The following AUTS2 variants were observed in gnomAD, a reference collection of about 807,000 sequenced individuals.
AUTS2 encodes autism susceptibility gene 2 protein.
Under a neutral mutation model 112.4 loss-of-function variants are expected in AUTS2, and 17 were observed. That is an observed-to-expected ratio of 0.15 (90% CI 0.10 to 0.23). The LOEUF is 0.23. Among genes scored for constraint, AUTS2 ranks in the 10% least tolerant of loss-of-function variants. The probability of loss-of-function intolerance (pLI) is 1.00; values close to 1 mark genes in which losing one functional copy is unlikely to be tolerated. For synonymous variants in AUTS2, 751 were observed against 702.7 expected, an observed-to-expected ratio of 1.07 and a Z score of -1.09; for missense variants, 1,510 against 1,701.6, an observed-to-expected ratio of 0.89 and a Z score of 1.98.
Position 70,600,385 on chromosome 7 carries a change from C to G in AUTS2, c.691-98184C>G, listed in dbSNP as rs1368292342. Among the ~76,000 whole-genome samples, 3 of 152,238 alleles carry G rather than the reference C, an allele frequency of 2.0e-5. No homozygotes were observed. The East Asian group carries it at 5.8e-4, about 30-fold the overall frequency. On this transcript the variant is annotated intron_variant, in intron 5 of 18. Coordinates refer to ENST00000342771, the MANE Select transcript of AUTS2 (RefSeq NM_015570.4). The stretch of plus-strand genomic sequence containing the variant: ...CTTATCTCCTGGGTCAAGGGATTCT[C>G]TCGCCTCAGCCTCCCGAGTAGCTGG...
chr7:70,500,547 C>T (rs528579146), intron 5 of AUTS2, among the ~76,000 whole-genome samples: 3 of 152,210 alleles, frequency 2.0e-5, no homozygotes, highest in African/African-American at 4.8e-5. Flanking sequence ...AGAAAGATTC[C>T]GCTTCTCCAT....
At chr7:69,912,226 A>G (rs1005518563) in intron 2 of AUTS2, among the ~76,000 whole-genome samples, 1 of 152,194 alleles carries the variant, frequency 6.6e-6, no homozygotes, top group Non-Finnish European at 1.5e-5. Context: ...GAAGCCAGGT[A>G]TGGGGAGAGG....
intron 4 of AUTS2, among the ~76,000 whole-genome samples, chr7:70,256,767 G>A (rs1786895561): frequency 6.6e-6 from 1 of 152,072 alleles, no homozygotes; most frequent in Non-Finnish European, 1.5e-5. Context: ...CTTCTTTCCT[G>A]TGTGTTTTGC....
chr7:70,786,678 G>A (rs1351163239), intron 17 of AUTS2, among the ~76,000 whole-genome samples: 1 of 152,122 alleles, frequency 6.6e-6, no homozygotes, highest in Non-Finnish European at 1.5e-5. Flanking sequence ...GGTACAGGAA[G>A]AGCTAAAACG....
At chr7:69,779,889 T>C (rs1789075170) in intron 1 of AUTS2, among the ~76,000 whole-genome samples, 1 of 152,086 alleles carries the variant, frequency 6.6e-6, no homozygotes, top group African/African-American at 2.4e-5. Context: ...AGGGTGTTGC[T>C]CTGTCACCCA....
At chr7:70,580,475 C>T (rs1034170484) in intron 5 of AUTS2, among the ~76,000 whole-genome samples, 6 of 152,144 alleles carry the variant, frequency 3.9e-5, no homozygotes, top group African/African-American at 1.4e-4. Flanking sequence ...TAGGAGGGGA[C>T]ACAGACTTAT....
intron 4 of AUTS2, among the ~76,000 whole-genome samples, chr7:70,313,710 T>G (rs1335368700): frequency 6.6e-6 from 1 of 152,192 alleles, no homozygotes; most frequent in Non-Finnish European, 1.5e-5. Flanking sequence ...TTCCTACTGT[T>G]GGATGTAACA....
Position 70,764,879 on chromosome 7 carries a change from C to A in AUTS2, c.1342C>A (p.Leu448Ile). The change falls in exon 8 of 19, where the codon CTC becomes ATC. Residue 448 changes from leucine (L) to isoleucine (I), a missense_variant. Coordinates refer to ENST00000342771, the MANE Select transcript of AUTS2 (RefSeq NM_015570.4). ...HSPLHSFTPT[L>I]QPPAHSHHPN... ...CCCCCTGCACAGCTTCACACCCACC[C>A]TCCAGCCCCCCGCACACTCACATCA... 1.2e-6 allele frequency: 2 copies of A among 1,602,602 alleles called. No homozygotes were observed.
At chr7:69,848,218 G>C (rs1304715735) in intron 1 of AUTS2, among the ~76,000 whole-genome samples, 1 of 152,170 alleles carries the variant, frequency 6.6e-6, no homozygotes, top group Non-Finnish European at 1.5e-5. Flanking sequence ...ACTTCTAACA[G>C]AAGGAAAGAC....
chr7:70,618,944 T>C (rs1215017362), intron 5 of AUTS2, among the ~76,000 whole-genome samples: 2 of 152,204 alleles, frequency 1.3e-5, no homozygotes, highest in Non-Finnish European at 2.9e-5. Context: ...TTGTACCTTT[T>C]TTAACATCTC....
intron 5 of AUTS2, among the ~76,000 whole-genome samples, chr7:70,481,823 G>A (rs998071987): frequency 2.9e-4 from 44 of 152,236 alleles, no homozygotes; most frequent in African/African-American, 1.1e-3. Flanking sequence ...ATTGCTTAGG[G>A]GTCTGAAAAA....
At chr7:69,601,023 G>A (rs930504503) in intron 1 of AUTS2, among the ~76,000 whole-genome samples, 2 of 151,872 alleles carry the variant, frequency 1.3e-5, no homozygotes, top group African/African-American at 2.4e-5. Flanking sequence ...GACTGTCCAG[G>A]GTTGGGGGGA....
chr7:70,325,941 G>T (rs995972097), intron 4 of AUTS2, among the ~76,000 whole-genome samples: 17 of 152,122 alleles, frequency 1.1e-4, no homozygotes, highest in Non-Finnish European at 2.5e-4. Context: ...CCCCTCCCTT[G>T]GTGACTCAGC....
chr7:70,448,301 T>G (rs1796399020), intron 5 of AUTS2, among the ~76,000 whole-genome samples: 1 of 152,220 alleles, frequency 6.6e-6, no homozygotes, highest in Non-Finnish European at 1.5e-5. Flanking sequence ...AATTCATGAA[T>G]TTATTCAATA....
At chr7:69,651,817 T>C (rs1270507648) in intron 1 of AUTS2, among the ~76,000 whole-genome samples, 1 of 152,226 alleles carries the variant, frequency 6.6e-6, no homozygotes, top group Non-Finnish European at 1.5e-5. Context: ...TCTTAGCTTA[T>C]GTAGATCATA....
intron 5 of AUTS2, among the ~76,000 whole-genome samples, chr7:70,517,302 T>G (rs1331214241): frequency 2.6e-5 from 4 of 152,102 alleles, no homozygotes; most frequent in Non-Finnish European, 5.9e-5. Flanking sequence ...AAATGGCAAC[T>G]AGAGAGAAAT....
At chr7:70,447,879 G>T (rs932451813) in intron 5 of AUTS2, among the ~76,000 whole-genome samples, 1 of 152,160 alleles carries the variant, frequency 6.6e-6, no homozygotes, top group African/African-American at 2.4e-5. Flanking sequence ...CTTCTAAGGT[G>T]CTTGAAAGGT....
rs200080375 is a variant in AUTS2 at position 69,634,124 on chromosome 7, TA to T, written c.309+34163del. Among the ~76,000 whole-genome samples the T allele has an allele frequency of 1.7e-3, 248 of 148,830 alleles. 5 individuals are homozygous for T. Among genetic ancestry groups the T allele is most frequent in the Middle Eastern group, 6.9e-3 (2 of 288 alleles). On this transcript the variant is annotated intron_variant, in intron 1 of 18. Transcript: ENST00000342771. ...AGGAGGCCTCACCAGACTTGATTAT[TA>T]TTTTTTTTTTTTGAGACGGAGTCTC...
intron 4 of AUTS2, among the ~76,000 whole-genome samples, chr7:70,361,308 G>A (rs1238657409): frequency 1.3e-5 from 2 of 151,978 alleles, no homozygotes; most frequent in East Asian, 1.9e-4. Flanking sequence ...ACTCCAGCCT[G>A]GGTAACAGAG....
Sources: allele counts gnomAD v4.1 joint callset (sites outside exome capture counted in the v4.1 genomes callset), GRCh38; gene constraint gnomAD v4.1.1; transcripts MANE v1.5; gene names NCBI Gene and HGNC (gene_info 2026-07-23, HGNC 2026-07-21).